The following RORB variants were observed in gnomAD, a reference collection of about 807,000 sequenced individuals.
The protein encoded by RORB is RAR related orphan receptor B, also known as nuclear receptor ROR-beta.
A neutral mutation model predicts 59.1 loss-of-function variants in RORB; 6 were observed. The observed-to-expected ratio is 0.10, with a 90% confidence interval of 0.06 to 0.20. The LOEUF is 0.20. RORB is among the 10% of genes least tolerant of loss of function. The pLI is 1.00. For synonymous variants in RORB, 215 were observed against 204.5 expected (o/e 1.05, Z -0.44); for missense variants, 320 against 560.5 (o/e 0.57, Z 4.33).
intron 4 of RORB, among the ~76,000 whole-genome samples, chr9:74,658,673 A>G (rs1824129794): frequency 6.6e-6 from 1 of 152,206 alleles, no homozygotes; most frequent in Non-Finnish European, 1.5e-5. Flanking sequence ...TGTTAACATT[A>G]TATACCTACT....
At chr9:74,653,210 A>C (rs1353399027) in intron 4 of RORB, among the ~76,000 whole-genome samples, 3 of 152,180 alleles carry the variant, frequency 2.0e-5, no homozygotes, top group Non-Finnish European at 4.4e-5. Context: ...AAGAGCACAG[A>C]TTCTAAGAAA....
At chr9:74,556,816 T>G (rs1822299125) in intron 1 of RORB, among the ~76,000 whole-genome samples, 1 of 152,074 alleles carries the variant, frequency 6.6e-6, no homozygotes, top group African/African-American at 2.4e-5. Context: ...TGGAGCTGAA[T>G]GGGGCCATAG....
chr9:74,498,012 C>G, intron 1 of RORB, 29 bp downstream of exon 1: 1 of 1,606,450 alleles, frequency 6.2e-7, no homozygotes, highest in South Asian at 1.1e-5. Flanking sequence ...ACCGAGGCTC[C>G]CCGAGTCCGG....
rs373228571 is a variant in RORB at position 74,685,453 on chromosome 9, C to G, written c.1225-10C>G. 8.1e-6 allele frequency: 13 copies of G among 1,598,952 alleles called. No individual in the cohort carries two copies. The African/African-American group carries it at 1.5e-4, about 18-fold the overall frequency. On this transcript the variant is annotated splice_polypyrimidine_tract_variant and intron_variant, in intron 9 of 9. Transcript: ENST00000376896. ...CTCTCTATCTCCCTCTCTGTCTCTC[C>G]GTTCTGCAGTTAATAGCCAAGATAC...
At chr9:74,625,512 G>T (rs1444213548) in intron 1 of RORB, among the ~76,000 whole-genome samples, 1 of 152,166 alleles carries the variant, frequency 6.6e-6, no homozygotes, top group Non-Finnish European at 1.5e-5. Flanking sequence ...TACTCAGGAG[G>T]CTGAGATGGG....
chr9:74,682,324 C>A (rs563597476), intron 9 of RORB, among the ~76,000 whole-genome samples: 207 of 150,720 alleles, frequency 1.4e-3, no homozygotes, highest in African/African-American at 4.3e-3. Flanking sequence ...TGGAGATATA[C>A]CTAATGTTAA....
At chr9:74,598,131 G>A (rs2118310662) in intron 1 of RORB, among the ~76,000 whole-genome samples, 1 of 152,166 alleles carries the variant, frequency 6.6e-6, no homozygotes, top group African/African-American at 2.4e-5. Context: ...GTATTGGACT[G>A]TGCTGATCTG....
intron 1 of RORB, among the ~76,000 whole-genome samples, chr9:74,617,263 T>C (rs1403103641): frequency 6.6e-6 from 1 of 152,182 alleles, no homozygotes; most frequent in Non-Finnish European, 1.5e-5. Context: ...TCCATTCAAA[T>C]ATTACTATAG....
At chr9:74,679,996 G>A (rs1251395538) in intron 9 of RORB, among the ~76,000 whole-genome samples, 8 of 152,098 alleles carry the variant, frequency 5.3e-5, no homozygotes, top group East Asian at 3.9e-4. Context: ...CCAGCTACTC[G>A]GGAAGCTGAG....
intron 7 of RORB, among the ~76,000 whole-genome samples, chr9:74,666,272 G>A (rs753578492): frequency 6.6e-6 from 1 of 151,962 alleles, no homozygotes; most frequent in Non-Finnish European, 1.5e-5. Flanking sequence ...GGGCAACAGA[G>A]CAAGACTCCA....
At chr9:74,552,488 T>C (rs1037413322) in intron 1 of RORB, among the ~76,000 whole-genome samples, 14 of 152,042 alleles carry the variant, frequency 9.2e-5, no homozygotes, top group African/African-American at 3.4e-4. Context: ...TTAAGAGTGT[T>C]ATGAGAGTTA....
chr9:74,686,470 G>T lies in RORB; in HGVS notation c.*852G>T, dbSNP rs1441266653. ...CAAGAATTAGGCCACAGATAACATT[G>T]CAAGGTCCAAGACTTTTTTGACCAA... is the stretch of plus-strand genomic sequence containing the variant. On this transcript the variant is annotated 3_prime_UTR_variant, in exon 10 of 10. Coordinates refer to ENST00000376896, the MANE Select transcript of RORB (RefSeq NM_006914.4). 1.3e-5 allele frequency: 2 copies of T among 152,216 alleles called. No individual in the cohort carries two copies. Among genetic ancestry groups the T allele is most frequent in the Admixed American group, 6.5e-5 (1 of 15,278 alleles). The allele number at this position is 152,216 out of a possible 1,614,324, so 9.4% of individuals were successfully genotyped here. A position where few individuals can be genotyped will look rare whatever the true frequency, so the allele number is the denominator to read the frequency against.
intron 1 of RORB, among the ~76,000 whole-genome samples, chr9:74,537,243 G>A (rs1174960358): frequency 6.6e-6 from 1 of 151,938 alleles, no homozygotes; most frequent in African/African-American, 2.4e-5. Context: ...TTTTTGCTTG[G>A]GAACTTGAAG....
At chr9:74,626,286 T>A (rs1047020872) in intron 1 of RORB, among the ~76,000 whole-genome samples, 1 of 152,224 alleles carries the variant, frequency 6.6e-6, no homozygotes, top group Non-Finnish European at 1.5e-5. Flanking sequence ...TTTGTTCTAA[T>A]ATAAAGTAAA....
chr9:74,580,141 G>A (rs1388907940), intron 1 of RORB, among the ~76,000 whole-genome samples: 1 of 152,052 alleles, frequency 6.6e-6, no homozygotes, highest in African/African-American at 2.4e-5. Context: ...TCCACTAGGG[G>A]TTTAAGACCA....
intron 1 of RORB, among the ~76,000 whole-genome samples, chr9:74,572,705 T>C (rs1017093429): frequency 6.6e-6 from 1 of 152,190 alleles, no homozygotes; most frequent in African/African-American, 2.4e-5. Flanking sequence ...GGGGCCAGTC[T>C]TGGGATTAAT....
rs1336071343 is a variant in RORB, at chr9:74,690,339, C to G, written c.*4721C>G. ...AAGCAGGGGTTGAAAATTCGAAAGC[C>G]TAAAAGGGCCAGGGGGCTTAATGCA... On this transcript the variant is annotated 3_prime_UTR_variant, in exon 10 of 10. Coordinates refer to ENST00000376896, the MANE Select transcript of RORB (RefSeq NM_006914.4). 1 of 152,218 alleles carries G rather than the reference C, an allele frequency of 6.6e-6. No homozygotes were observed. The highest frequency in any genetic ancestry group is 1.5e-5 in the Non-Finnish European group (1 of 68,096). The allele number at this position is 152,218 out of a possible 1,614,324, so 9.4% of individuals were successfully genotyped here. A position where few individuals can be genotyped will look rare whatever the true frequency, so the allele number is the denominator to read the frequency against.
intron 1 of RORB, among the ~76,000 whole-genome samples, chr9:74,523,975 A>G (rs1015687822): frequency 3.4e-5 from 5 of 146,340 alleles, no homozygotes; most frequent in African/African-American, 1.0e-4. Flanking sequence ...AATTATTGCC[A>G]TGACTTTATT....
chr9:74,510,981 C>T (rs945325731), intron 1 of RORB, among the ~76,000 whole-genome samples: 25 of 152,106 alleles, frequency 1.6e-4, no homozygotes, highest in African/African-American at 5.8e-4. Context: ...CTCTTTAGCC[C>T]AGTAATTCAC....
Sources: gnomAD v4.1 joint callset for allele counts (sites outside exome capture counted in the v4.1 genomes callset) on GRCh38, gnomAD v4.1.1 for gene constraint, MANE v1.5 for transcripts, NCBI Gene and HGNC (gene_info 2026-07-23, HGNC 2026-07-21) for gene names.